Variants in CAMK1D observed in about 807,000 individuals in gnomAD.
The protein encoded by CAMK1D is calcium/calmodulin dependent protein kinase ID.
A neutral mutation model predicts 47.7 loss-of-function variants in CAMK1D; 9 were observed. That is an observed-to-expected ratio of 0.19 (90% CI 0.11 to 0.33). CAMK1D has a LOEUF of 0.33. Ranked by LOEUF, CAMK1D falls within the 10% of genes least tolerant of loss-of-function variation. The pLI, the probability that CAMK1D is intolerant of heterozygous loss-of-function variation, is 1.00. For missense variants in CAMK1D, 291 were observed against 488.7 expected, an observed-to-expected ratio of 0.60 and a Z score of 3.81; for synonymous variants, 184 against 184.9, an observed-to-expected ratio of 0.99 and a Z score of 0.04.
intron 1 of CAMK1D, among the ~76,000 whole-genome samples, chr10:12,489,918 C>T (rs1048787517): frequency 8.5e-5 from 13 of 152,138 alleles, no homozygotes; most frequent in African/African-American, 1.7e-4. Context: ...GTCTGCATTC[C>T]GGCATTCAGC....
intron 4 of CAMK1D, among the ~76,000 whole-genome samples, chr10:12,762,903 GCT>G (rs1028120884): frequency 2.6e-5 from 4 of 152,188 alleles, no homozygotes; most frequent in African/African-American, 9.7e-5. Context: ...CACATAGGCA[GCT>G]CTCTCTGAAC....
In CAMK1D at chr10:12,565,861, A is replaced by G. The variant is rs538743311; in HGVS notation, c.224+12505A>G. ...CTGCTGTCCCTGTGTTCTCTTGTGA[A>G]GAAAGGGGCCGCTTCTCCTTGATAT... On this transcript the variant is annotated intron_variant, in intron 2 of 10. Transcript: ENST00000619168. 3.9e-5 allele frequency among the ~76,000 whole-genome samples: 6 copies of G among 152,108 alleles called. No individual in the cohort carries two copies. In the South Asian group the frequency reaches 1.2e-3, roughly 32 times the overall value.
intron 3 of CAMK1D, among the ~76,000 whole-genome samples, chr10:12,721,396 G>A (rs375333463): frequency 4.5e-4 from 69 of 152,218 alleles, no homozygotes; most frequent in African/African-American, 1.6e-3. Context: ...GAAATGTATC[G>A]GCGGGCTGTG....
At chr10:12,538,884 G>GC (rs1195542703) in intron 1 of CAMK1D, among the ~76,000 whole-genome samples, 4 of 96,684 alleles carry the variant, frequency 4.1e-5, no homozygotes, top group African/African-American at 1.7e-4. Context: ...CAAAACTGAG[G>GC]CAAAAAAAAA....
chr10:12,534,991 G>C (rs1409109032), intron 1 of CAMK1D, among the ~76,000 whole-genome samples: 1 of 152,228 alleles, frequency 6.6e-6, no homozygotes, highest in African/African-American at 2.4e-5. Flanking sequence ...CTAGCTCTGT[G>C]CCTGGGAAGA....
In CAMK1D at chr10:12,397,474, C is replaced by G. The variant is rs556561121; in HGVS notation, c.92+47564C>G. The stretch of plus-strand genomic sequence containing the variant: ...ATTCTTGACCTACCCAAGCGGAGGT[C>G]CTGTAGGCCACTCTCCCCAGTCCTA... On this transcript the variant is annotated intron_variant, in intron 1 of 10. Coordinates refer to ENST00000619168, the MANE Select transcript of CAMK1D (RefSeq NM_153498.4). 4.6e-5 allele frequency among the ~76,000 whole-genome samples: 7 copies of G among 152,294 alleles called. No individual in the cohort carries two copies. The South Asian group carries it at 1.5e-3, about 32-fold the overall frequency.
At chr10:12,788,592 T>C (rs2130990165) in intron 5 of CAMK1D, among the ~76,000 whole-genome samples, 1 of 152,340 alleles carries the variant, frequency 6.6e-6, no homozygotes, top group Non-Finnish European at 1.5e-5. Context: ...TCCTTGTGGA[T>C]GTCGTTGCTT....
chr10:12,780,817 G>A (rs1837459576), intron 5 of CAMK1D, among the ~76,000 whole-genome samples: 1 of 152,200 alleles, frequency 6.6e-6, no homozygotes, highest in Non-Finnish European at 1.5e-5. Context: ...ATGAGTAGGT[G>A]GAACATCCAG....
chr10:12,510,266 A>G (rs959441351), intron 1 of CAMK1D, among the ~76,000 whole-genome samples: 3 of 152,166 alleles, frequency 2.0e-5, no homozygotes, highest in African/African-American at 7.2e-5. Context: ...AAATACAAAA[A>G]TTAGCTGGGC....
At chr10:12,447,162 T>C (rs1470791925) in intron 1 of CAMK1D, among the ~76,000 whole-genome samples, 1 of 152,192 alleles carries the variant, frequency 6.6e-6, no homozygotes, top group East Asian at 1.9e-4. Flanking sequence ...CGTGTTAGCT[T>C]CAGAAGGCAC....
intron 1 of CAMK1D, among the ~76,000 whole-genome samples, chr10:12,387,422 ATATTTTATATATTATATATATTT>A (rs1393915087): frequency 0.25 from 20,877 of 83,750 alleles, 2,509 homozygotes; most frequent in Middle Eastern, 0.38. Flanking sequence ...TATATTTTAT[ATATTTTATATATTATATATATTT>A]TATATATATA....
intron 1 of CAMK1D, among the ~76,000 whole-genome samples, chr10:12,380,187 C>A (rs1838300249): frequency 6.6e-6 from 1 of 152,018 alleles, no homozygotes; most frequent in South Asian, 2.1e-4. Context: ...TGCACTCCAG[C>A]CTGGGTGACA....
Position 12,578,006 on chromosome 10 carries a change from G to A in CAMK1D, c.224+24650G>A, listed in dbSNP as rs181639793. ...TTATTAGGCAAGCACAGCTGCCAGCGTTTATATTTGCATTATCTTACATCC... is the reference window on the plus strand; with the variant it reads ...TTATTAGGCAAGCACAGCTGCCAGCATTTATATTTGCATTATCTTACATCC... On this transcript the variant is annotated intron_variant, in intron 2 of 10. Transcript: ENST00000619168. Among the ~76,000 whole-genome samples the A allele has an allele frequency of 7.9e-5, 12 of 152,330 alleles. No homozygotes were observed. In the East Asian group the frequency reaches 1.2e-3, roughly 15 times the overall value.
rs147033685 is a variant in CAMK1D at position 12,650,124 on chromosome 10, C to A, written c.225-16612C>A. On this transcript the variant is annotated intron_variant, in intron 2 of 10. Transcript: ENST00000619168. The stretch of plus-strand genomic sequence containing the variant: ...CCCCTCACAGCAGTCCCTCCTCTAC[C>A]CTTGGAGGGGCTGCCGACCACGTGA... Among the ~76,000 whole-genome samples, 319 of 152,320 alleles carry A rather than the reference C, an allele frequency of 2.1e-3. 1 individual carries two copies. Among genetic ancestry groups the A allele is most frequent in the East Asian group, 9.8e-3 (51 of 5,178 alleles).
In CAMK1D at chr10:12,832,226, T is replaced by C. The variant is rs1025392837; in HGVS notation, c.*3339T>C. 6.6e-6 allele frequency: 1 copy of C among 151,778 alleles called. No homozygotes were observed. Among genetic ancestry groups the C allele is most frequent in the Admixed American group, 6.6e-5 (1 of 15,210 alleles). 9.4% of individuals were successfully genotyped at this position (151,778 alleles called of 1,614,324 possible). A position where few individuals can be genotyped will look rare whatever the true frequency, so the allele number is the denominator to read the frequency against. On this transcript the variant is annotated 3_prime_UTR_variant, in exon 11 of 11. Transcript: ENST00000619168. ...CTCATACGTGAGGCAATAGGAGGAG[T>C]TTCTATTCATTGAGACAAACAGTGA...
At chr10:12,384,075 AAAG>A (rs1838421424) in intron 1 of CAMK1D, among the ~76,000 whole-genome samples, 1 of 152,390 alleles carries the variant, frequency 6.6e-6, no homozygotes, top group Non-Finnish European at 1.5e-5. Flanking sequence ...AAAAATAAAA[AAAG>A]AAATTAAGAG....
At chr10:12,778,324 C>T (rs550151778) in intron 5 of CAMK1D, among the ~76,000 whole-genome samples, 1 of 152,314 alleles carries the variant, frequency 6.6e-6, no homozygotes, top group African/African-American at 2.4e-5. Flanking sequence ...GGCAAGAGGA[C>T]TATAAGCACT....
intron 6 of CAMK1D, among the ~76,000 whole-genome samples, chr10:12,809,238 A>G (rs1050695876): frequency 6.6e-6 from 1 of 152,172 alleles, no homozygotes; most frequent in Admixed American, 6.5e-5. Context: ...ATGATTAGTG[A>G]TATTGAGCAT....
At chr10:12,658,374 G>C (rs1840178598) in intron 2 of CAMK1D, among the ~76,000 whole-genome samples, 1 of 151,952 alleles carries the variant, frequency 6.6e-6, no homozygotes. Context: ...ATGTTGGTGT[G>C]GGGCAGGGTG....
Sources: allele counts gnomAD v4.1 joint callset (sites outside exome capture counted in the v4.1 genomes callset), GRCh38; gene constraint gnomAD v4.1.1; transcripts MANE v1.5; gene names NCBI Gene and HGNC (gene_info 2026-07-23, HGNC 2026-07-21).